The following ZNF711 variants were observed in gnomAD, a reference collection of about 807,000 sequenced individuals.
ZNF711 encodes the protein ZFX family zinc finger ZNF711.
In ZNF711, 3 loss-of-function variants were observed where a neutral mutation model predicts 43.5. The ratio of observed to expected loss-of-function variants is 0.07; its 90% confidence interval spans 0.03 to 0.18. The LOEUF (loss-of-function observed/expected upper bound fraction) is 0.18, where lower values mean the gene tolerates loss of function less well. Ranked by LOEUF, ZNF711 falls within the 10% of genes least tolerant of loss-of-function variation. The pLI is 1.00. For missense variants in ZNF711, 412 were observed against 604.0 expected, an observed-to-expected ratio of 0.68 and a Z score of 3.33; for synonymous variants, 209 against 207.7, an observed-to-expected ratio of 1.01 and a Z score of -0.06.
Position 85,251,455 on chromosome X carries a change from T to A in ZNF711, c.79+3804T>A, listed in dbSNP as rs1929546428. ...TAAATAGCAAAACACCCTTAGATAG[T>A]GGCCCAAGACAGACCTGACACGTAA... On this transcript the variant is annotated intron_variant, in intron 4 of 10. Coordinates refer to ENST00000674551, the MANE Select transcript of ZNF711 (RefSeq NM_001330574.2). Among the ~76,000 whole-genome samples the A allele has an allele frequency of 4.5e-5, 5 of 111,254 alleles. 1 individual carries two copies. In the South Asian group the frequency reaches 1.9e-3, roughly 42 times the overall value.
chrX:85,264,492 G>A, intron 6 of ZNF711, 62 bp downstream of exon 6: 1 of 1,036,822 alleles, frequency 9.6e-7, no homozygotes, highest in South Asian at 2.4e-5. Context: ...TATTTTCTGG[G>A]GACTAGTCTA....
intron 9 of ZNF711, 103 bp downstream of exon 9, chrX:85,268,444 C>A: frequency 1.1e-6 from 1 of 940,121 alleles, no homozygotes; most frequent in Non-Finnish European, 1.5e-6. Context: ...ATTTGTTGGA[C>A]TCTTACTTGC....
chrX:85,263,325 A>G (rs1299705993), intron 5 of ZNF711, among the ~76,000 whole-genome samples: 5 of 111,072 alleles, frequency 4.5e-5, no homozygotes, highest in Middle Eastern at 5.1e-3. Flanking sequence ...AGGTCCAAAT[A>G]CTGTTGCCTT....
chrX:85,266,190 C>CT (rs1189490036), intron 7 of ZNF711, among the ~76,000 whole-genome samples: 1 of 111,272 alleles, frequency 9.0e-6, no homozygotes, highest in Non-Finnish European at 1.9e-5. Context: ...GTGCTGCACT[C>CT]TGATACCTAC....
intron 5 of ZNF711, among the ~76,000 whole-genome samples, chrX:85,260,637 C>A (rs1037418141): frequency 2.8e-5 from 3 of 108,841 alleles, no homozygotes; most frequent in African/African-American, 1.0e-4. Context: ...GGCAACCATG[C>A]CTGTATAGAT....
In ZNF711 at chrX:85,273,292, A is replaced by C. The variant is rs762997004; in HGVS notation, c.*1464A>C. 6 of 111,945 alleles carry C rather than the reference A, an allele frequency of 5.4e-5. No individual in the cohort carries two copies. Among genetic ancestry groups the C allele is most frequent in the Non-Finnish European group, 1.1e-4 (6 of 53,020 alleles). The allele number at this position is 111,945 out of a possible 1,213,427, so 9.2% of individuals were successfully genotyped here. On this transcript the variant is annotated 3_prime_UTR_variant, in exon 11 of 11. Transcript: ENST00000674551. ...GCTGTAAAATAAGATCGCTACTGTTATGTGGGATTATTATTTCTAAATGTT... is the reference window on the plus strand; with the variant it reads ...GCTGTAAAATAAGATCGCTACTGTTCTGTGGGATTATTATTTCTAAATGTT...
intron 4 of ZNF711, among the ~76,000 whole-genome samples, chrX:85,254,305 T>TA (rs1929840881): frequency 1.0e-5 from 1 of 98,059 alleles, no homozygotes; most frequent in African/African-American, 4.2e-5. Flanking sequence ...CCATCTCTAC[T>TA]AAAAATACAA....
intron 8 of ZNF711, among the ~76,000 whole-genome samples, chrX:85,267,705 A>G (rs989752105): frequency 9.0e-6 from 1 of 111,674 alleles, no homozygotes; most frequent in South Asian, 3.7e-4. Flanking sequence ...AAATAGGAAT[A>G]TCCTTTGAAA....
intron 7 of ZNF711, 70 bp downstream of exon 7, chrX:85,265,325 A>T: frequency 9.2e-7 from 1 of 1,081,151 alleles, no homozygotes; most frequent in Non-Finnish European, 1.3e-6. Flanking sequence ...AATCTCAGAG[A>T]TACAAGCACT....
rs1342833660 is a variant in ZNF711, at chrX:85,255,417, A to G, written c.238A>G (p.Thr80Ala). The G allele has an allele frequency of 1.7e-6, 2 of 1,209,735 alleles. No individual in the cohort carries two copies. The highest frequency in any genetic ancestry group is 3.5e-5 in the African/African-American group (2 of 57,018). The part of the protein sequence containing the change: ...VVHGPDIITE[T>A]DVVTEGVIVP... ...CCATGGACCTGATATCATCACAGAG[A>G]CTGATGTAGTAACAGAAGGTGTGAT... is the stretch of plus-strand genomic sequence containing the variant. Residue 80 changes from threonine (T) to alanine (A), a missense_variant, in exon 5 of 11, where the codon ACT (threonine) becomes GCT (alanine). Around this residue, in one of 4 missense-constraint regions of ZNF711, gnomAD observed 375 missense variants for 514.2 expected, o/e 0.73. Coordinates refer to ENST00000674551, the MANE Select transcript of ZNF711 (RefSeq NM_001330574.2).
chrX:85,255,543 G>T lies in ZNF711; in HGVS notation c.364G>T (p.Val122Phe). Residue 122 changes from valine to phenylalanine, a missense_variant, in exon 5 of 11, where the codon GTT becomes TTT. Val to Phe is a conservative substitution (Grantham distance 50). Coordinates refer to ENST00000674551, the MANE Select transcript of ZNF711 (RefSeq NM_001330574.2). Reference protein sequence around the residue: ...ILTSELITETVRVPEQVFVAD... With the variant: ...ILTSELITETFRVPEQVFVAD... ...GACTTCTGAACTAATTACAGAAACC[G>T]TTAGGGTACCAGAGCAGGTTTTCGT... 1 of 1,211,894 alleles carries T rather than the reference G, an allele frequency of 8.3e-7. No homozygotes were observed.
intron 4 of ZNF711, among the ~76,000 whole-genome samples, chrX:85,251,534 A>G (rs1212874263): frequency 9.0e-6 from 1 of 111,553 alleles, no homozygotes; most frequent in Non-Finnish European, 1.9e-5. Context: ...TTTAAATGGA[A>G]TAACTTTAAT....
chrX:85,253,764 G>GACACAGAC (rs1929760360), intron 4 of ZNF711, among the ~76,000 whole-genome samples: 1 of 90,528 alleles, frequency 1.1e-5, no homozygotes, highest in African/African-American at 3.9e-5. Flanking sequence ...TGTGTTCACA[G>GACACAGAC]ACACACACAC....
intron 4 of ZNF711, among the ~76,000 whole-genome samples, chrX:85,251,213 T>TCTTC (rs1294535506): frequency 8.9e-6 from 1 of 111,854 alleles, no homozygotes; most frequent in African/African-American, 3.2e-5. Flanking sequence ...TCTGTAAGGT[T>TCTTC]CTTGGTTGAT....
intron 5 of ZNF711, among the ~76,000 whole-genome samples, chrX:85,263,843 C>T (rs1312180874): frequency 9.1e-6 from 1 of 110,442 alleles, no homozygotes; most frequent in Non-Finnish European, 1.9e-5. Flanking sequence ...TGTAATATAA[C>T]TGATCTTGTG....
intron 5 of ZNF711, among the ~76,000 whole-genome samples, chrX:85,256,309 T>C (rs976705979): frequency 2.7e-5 from 3 of 112,092 alleles, no homozygotes; most frequent in East Asian, 5.6e-4. Flanking sequence ...TGCCTAAATA[T>C]GTGTGTGTAT....
intron 4 of ZNF711, among the ~76,000 whole-genome samples, chrX:85,251,187 C>T (rs1031061855): frequency 9.2e-6 from 1 of 109,217 alleles, no homozygotes; most frequent in African/African-American, 3.3e-5. Context: ...AACACTGTGG[C>T]ACAAGATCTC....
At chrX:85,256,059 A>G (rs1253361599) in intron 5 of ZNF711, among the ~76,000 whole-genome samples, 1 of 111,621 alleles carries the variant, frequency 9.0e-6, no homozygotes, top group Non-Finnish European at 1.9e-5. Context: ...TTTGGCAACA[A>G]CAAGAACATT....
chrX:85,247,540 T>G lies in ZNF711; in HGVS notation c.-26-7T>G, dbSNP rs772298295. The G allele has an allele frequency of 3.8e-5, 43 of 1,136,455 alleles. No homozygotes were observed. The East Asian group carries it at 1.2e-3, about 32-fold the overall frequency. The allele number at this position is 1,136,455 out of a possible 1,213,427, so 93.7% of individuals were successfully genotyped here. On this transcript the variant is annotated splice_polypyrimidine_tract_variant and splice_region_variant and intron_variant, in intron 3 of 10. Coordinates refer to ENST00000674551, the MANE Select transcript of ZNF711 (RefSeq NM_001330574.2). ...TTAAACTATTTTAAAAGCCATTTCT[T>G]TTGCAGATATTGGTGAATGAACTTT...
Sources: gnomAD v4.1 joint callset for allele counts (sites outside exome capture counted in the v4.1 genomes callset) on GRCh38, gnomAD v4.1.1 for gene constraint, gnomAD v4.1.1 regional missense constraint, MANE v1.5 for transcripts, NCBI Gene and HGNC (gene_info 2026-07-23, HGNC 2026-07-21) for gene names.